Variants in TSEN2 observed in about 807,000 individuals in gnomAD.
TSEN2 encodes tRNA splicing endonuclease subunit 2.
In TSEN2, 54 loss-of-function variants were observed where a neutral mutation model predicts 59.2. That is an observed-to-expected ratio of 0.91 (90% CI 0.73 to 1.14). The LOEUF is 1.14. Among genes scored for constraint, TSEN2 ranks in the 50% most tolerant of loss-of-function variants. The pLI is 0.00. For synonymous variants in TSEN2, 195 were observed against 198.2 expected (o/e 0.98, Z 0.14); for missense variants, 636 against 576.2 (o/e 1.10, Z -1.06).
In TSEN2 at chr3:12,492,639, A is replaced by G. The variant is rs546002616; in HGVS notation, c.271+422A>G. ...ATAAATGTTTTAGAATATTTATCTA[A>G]GGAATTCTCATGGTAATTACTTAAG... is the stretch of plus-strand genomic sequence containing the variant. On this transcript the variant is annotated intron_variant, in intron 3 of 11. Coordinates refer to ENST00000284995, the MANE Select transcript of TSEN2 (RefSeq NM_025265.4). Among the ~76,000 whole-genome samples, 316 of 152,372 alleles carry G rather than the reference A, an allele frequency of 2.1e-3. 1 individual carries two copies. Among genetic ancestry groups the G allele is most frequent in the Non-Finnish European group, 3.4e-3 (234 of 68,032 alleles).
chr3:12,527,001 A>AT (rs1477127130), intron 8 of TSEN2, among the ~76,000 whole-genome samples: 1 of 152,238 alleles, frequency 6.6e-6, no homozygotes, highest in African/African-American at 2.4e-5. Flanking sequence ...AGGCTCAGGG[A>AT]AGTTAATAAC....
chr3:12,526,861 T>G (rs1021063928), intron 8 of TSEN2, among the ~76,000 whole-genome samples: 1 of 152,238 alleles, frequency 6.6e-6, no homozygotes, highest in African/African-American at 2.4e-5. Context: ...TGTGAGCTAC[T>G]TTGAAGCTGT....
intron 3 of TSEN2, 79 bp downstream of exon 3, chr3:12,492,296 T>C (rs913757619): frequency 1.4e-5 from 18 of 1,296,108 alleles, no homozygotes; most frequent in Admixed American, 5.2e-5. Flanking sequence ...TCAGGCTATA[T>C]AGTAAAATTC....
At chr3:12,527,437 ACTTTT>A (rs2057170259) in intron 8 of TSEN2, among the ~76,000 whole-genome samples, 1 of 151,100 alleles carries the variant, frequency 6.6e-6, no homozygotes, top group African/African-American at 2.4e-5. Flanking sequence ...TTTTCCTTGA[ACTTTT>A]CTTTTTTTTT....
In TSEN2 at chr3:12,503,576, A is replaced by G; in HGVS notation, c.623A>G (p.Lys208Arg). The G allele has an allele frequency of 1.2e-6, 2 of 1,604,064 alleles. 1 individual carries two copies. Among genetic ancestry groups the G allele is most frequent in the South Asian group, 2.2e-5 (2 of 90,242 alleles). The stretch of plus-strand genomic sequence containing the variant: ...CACCCAACAACAGAGAGCTTTGAGA[A>G]AAGCGTGCGAGAGGATGCCTCACCT... ...GCHPTTESFE[K>R]SVREDASPLP... is the part of the protein sequence containing the mutation. The change falls in exon 5 of 12, where the codon AAA becomes AGA. Residue 208 changes from lysine to arginine, a missense_variant. By Grantham distance (26) the Lys-to-Arg change is conservative. Coordinates refer to ENST00000284995, the MANE Select transcript of TSEN2 (RefSeq NM_025265.4).
chr3:12,483,203 C>G (rs900274309), upstream of TSEN2, among the ~76,000 whole-genome samples: 1 of 152,170 alleles, frequency 6.6e-6, no homozygotes, highest in Non-Finnish European at 1.5e-5. Context: ...TGGTGAAACC[C>G]CGTTTCTACT....
intron 8 of TSEN2, among the ~76,000 whole-genome samples, chr3:12,524,739 C>CT (rs746602626): frequency 0.011 from 1,446 of 131,768 alleles, 38 homozygotes; most frequent in African/African-American, 0.029. Context: ...TCTTTGGTCT[C>CT]TTTTTTTTTT....
intron 6 of TSEN2, among the ~76,000 whole-genome samples, chr3:12,513,240 C>T (rs1309783540): frequency 1.3e-5 from 2 of 152,168 alleles, no homozygotes; most frequent in Non-Finnish European, 2.9e-5. Flanking sequence ...GAAGAACTTA[C>T]ATTTTAGCAG....
At chr3:12,525,845 G>T (rs2057033464) in intron 8 of TSEN2, among the ~76,000 whole-genome samples, 1 of 151,970 alleles carries the variant, frequency 6.6e-6, no homozygotes, top group African/African-American at 2.4e-5. Context: ...GATTACAGGT[G>T]TGAGCCACCG....
intron 11 of TSEN2, among the ~76,000 whole-genome samples, chr3:12,532,032 G>C (rs753437059): frequency 6.6e-6 from 1 of 152,086 alleles, no homozygotes; most frequent in Non-Finnish European, 1.5e-5. Context: ...GAACCAAGGC[G>C]CCTCCTGTCA....
At chr3:12,519,458 C>T (rs1487580772) in intron 8 of TSEN2, among the ~76,000 whole-genome samples, 1 of 152,130 alleles carries the variant, frequency 6.6e-6, no homozygotes, top group African/African-American at 2.4e-5. Flanking sequence ...CTTAGAAAAG[C>T]GTTCTGGCTG....
At chr3:12,516,026 T>TA (rs1300287861) in intron 6 of TSEN2, among the ~76,000 whole-genome samples, 1 of 152,208 alleles carries the variant, frequency 6.6e-6, no homozygotes, top group East Asian at 1.9e-4. Flanking sequence ...GAAACATTCA[T>TA]AAAAATCTTT....
upstream of TSEN2, among the ~76,000 whole-genome samples, chr3:12,480,317 T>C (rs2052176836): frequency 6.6e-6 from 1 of 152,150 alleles, no homozygotes; most frequent in Non-Finnish European, 1.5e-5. Flanking sequence ...GGGCCTGCCC[T>C]GTGCCCTAGG....
rs2052432855 is a variant in TSEN2 at position 12,484,878 on chromosome 3, GGGGTAAGACA to G, written c.-18+2_-18+11del. 1 of 152,326 alleles carries G rather than the reference GGGGTAAGACA, an allele frequency of 6.6e-6. No homozygotes were observed. Among genetic ancestry groups the G allele is most frequent in the Non-Finnish European group, 1.5e-5 (1 of 68,118 alleles). The allele number at this position is 152,326 out of a possible 1,614,324, so 9.4% of individuals were successfully genotyped here. Reference sequence around the variant, plus strand: ...GGGGGTAGTCAAGGAAAGAAGCAAAGGGGTAAGACAGGGAGTTAGGAATTGGCGGGGCCCC... The same window carrying G: ...GGGGGTAGTCAAGGAAAGAAGCAAAGGGGAGTTAGGAATTGGCGGGGCCCC... On this transcript the variant is annotated splice_donor_variant and splice_donor_5th_base_variant and 5_prime_UTR_variant and intron_variant, in exon 1 of 12. Coordinates refer to ENST00000284995, the MANE Select transcript of TSEN2 (RefSeq NM_025265.4). LOFTEE classifies it low-confidence loss of function (5UTR_SPLICE).
intron 3 of TSEN2, among the ~76,000 whole-genome samples, chr3:12,493,036 T>C (rs1197304503): frequency 6.6e-6 from 1 of 152,262 alleles, no homozygotes; most frequent in Non-Finnish European, 1.5e-5. Flanking sequence ...ATACAATATT[T>C]GCCCTTTTGT....
intron 6 of TSEN2, among the ~76,000 whole-genome samples, chr3:12,510,418 C>T (rs1465643980): frequency 5.9e-5 from 9 of 152,088 alleles, no homozygotes; most frequent in Admixed American, 5.2e-4. Context: ...GTGTATTGTT[C>T]GTATATACTT....
intron 3 of TSEN2, among the ~76,000 whole-genome samples, chr3:12,494,240 T>C (rs299635): frequency 0.49 from 74,188 of 151,608 alleles, 18,983 homozygotes; most frequent in African/African-American, 0.61. Flanking sequence ...CATATTTATA[T>C]AATTAATCCA....
intron 4 of TSEN2, among the ~76,000 whole-genome samples, chr3:12,497,848 T>C (rs1339369190): frequency 6.6e-6 from 1 of 152,174 alleles, no homozygotes; most frequent in Non-Finnish European, 1.5e-5. Context: ...AGAAATTTAT[T>C]GTCATGGTTT....
intron 6 of TSEN2, among the ~76,000 whole-genome samples, chr3:12,514,061 C>T (rs2055790384): frequency 6.6e-6 from 1 of 152,172 alleles, no homozygotes; most frequent in African/African-American, 2.4e-5. Context: ...TTCTGTTCTG[C>T]CAGAGTTTAC....
Sources: gnomAD v4.1 joint callset for allele counts (sites outside exome capture counted in the v4.1 genomes callset) on GRCh38, gnomAD v4.1.1 for gene constraint, MANE v1.5 for transcripts, NCBI Gene and HGNC (gene_info 2026-07-23, HGNC 2026-07-21) for gene names.